Variants in DISC1 observed in about 807,000 individuals in gnomAD.
DISC1 encodes the protein disrupted in schizophrenia 1 protein.
DISC1 carries 57 observed loss-of-function variants against 84.5 expected under a neutral mutation model. That is an observed-to-expected ratio of 0.67 (90% CI 0.55 to 0.84). DISC1 has a LOEUF of 0.84. DISC1 is among the 40% of genes least tolerant of loss of function. The pLI is 0.00. For missense variants in DISC1, 1,000 were observed against 1,057.8 expected (o/e 0.95, Z 0.76); for synonymous variants, 411 against 415.2 (o/e 0.99, Z 0.12).
intron 6 of DISC1, among the ~76,000 whole-genome samples, chr1:231,786,459 G>A (rs1354249472): frequency 6.6e-6 from 1 of 152,200 alleles, no homozygotes; most frequent in Non-Finnish European, 1.5e-5. Context: ...GGGCAGGTGT[G>A]TTGTTGTCAC....
chr1:231,693,191 A>C (rs1394114076), intron 1 of DISC1, among the ~76,000 whole-genome samples: 2 of 152,204 alleles, frequency 1.3e-5, no homozygotes, highest in Admixed American at 1.3e-4. Flanking sequence ...TATTGTTCCT[A>C]TTCCTATAGC....
intron 3 of DISC1, among the ~76,000 whole-genome samples, chr1:231,721,813 A>G (rs2069759816): frequency 6.6e-6 from 1 of 152,212 alleles, no homozygotes; most frequent in African/African-American, 2.4e-5. Context: ...AAGAAAAAGA[A>G]AAACAAACAA....
intron 8 of DISC1, among the ~76,000 whole-genome samples, chr1:231,802,544 A>T (rs2125655990): frequency 6.6e-6 from 1 of 152,268 alleles, no homozygotes; most frequent in East Asian, 1.9e-4. Context: ...CCTGACTTTG[A>T]TCTATGGCCT....
At chr1:231,752,857 A>G (rs1482077339) in intron 4 of DISC1, among the ~76,000 whole-genome samples, 3 of 152,268 alleles carry the variant, frequency 2.0e-5, no homozygotes, top group Non-Finnish European at 4.4e-5. Flanking sequence ...AAGGGGCTAC[A>G]GGCCCCATGC....
chr1:231,807,961 CT>C (rs1188408208), intron 8 of DISC1, among the ~76,000 whole-genome samples: 1 of 152,206 alleles, frequency 6.6e-6, no homozygotes, highest in African/African-American at 2.4e-5. Context: ...GCTGGAATCC[CT>C]TTAAAATGGT....
intron 9 of DISC1, among the ~76,000 whole-genome samples, chr1:231,953,932 T>G (rs565411071): frequency 4.6e-5 from 7 of 152,276 alleles, no homozygotes; most frequent in Non-Finnish European, 5.9e-5. Context: ...TCTGCCTGGG[T>G]GTTACTCATT....
chr1:231,771,571 CT>C, intron 6 of DISC1: 19 of 985,402 alleles, frequency 1.9e-5, no homozygotes, highest in Non-Finnish European at 2.2e-5. Flanking sequence ...GTGTTATAAG[CT>C]GACTCTATGA....
chr1:231,805,132 C>G (rs1022309060), intron 8 of DISC1, among the ~76,000 whole-genome samples: 2 of 152,180 alleles, frequency 1.3e-5, no homozygotes, highest in African/African-American at 2.4e-5. Context: ...TTGTTTCTCT[C>G]CCTTTTCACT....
At chr1:231,894,200 A>G (rs995136429) in intron 9 of DISC1, among the ~76,000 whole-genome samples, 3 of 152,230 alleles carry the variant, frequency 2.0e-5, no homozygotes, top group African/African-American at 7.2e-5. Flanking sequence ...CTCCATGAAC[A>G]TATGAATGTC....
intron 9 of DISC1, among the ~76,000 whole-genome samples, chr1:231,822,904 GA>G (rs1286226104): frequency 6.6e-6 from 1 of 152,126 alleles, no homozygotes; most frequent in Admixed American, 6.5e-5. Flanking sequence ...AGCTCTCCCA[GA>G]AACTAATAGA....
chr1:232,019,247 G>T (rs201275912), intron 11 of DISC1, among the ~76,000 whole-genome samples: 9 of 152,154 alleles, frequency 5.9e-5, no homozygotes, highest in Non-Finnish European at 1.2e-4. Context: ...AAGAGGGGGT[G>T]TTAGGTGTAG....
In DISC1 at chr1:231,703,566, A is replaced by G. The variant is rs921351933; in HGVS notation, c.1117+1542A>G. Among the ~76,000 whole-genome samples the G allele has an allele frequency of 5.3e-5, 8 of 152,360 alleles. No individual in the cohort carries two copies. In the East Asian group the frequency reaches 1.5e-3, roughly 29 times the overall value. On this transcript the variant is annotated intron_variant, in intron 3 of 12. Transcript: ENST00000439617. Reference sequence around the variant, plus strand: ...CATAAAGCTTACAATGCAGTGAAAAAGTAGGCCAATCAGGCCCTAGTTTGT... The same window carrying G: ...CATAAAGCTTACAATGCAGTGAAAAGGTAGGCCAATCAGGCCCTAGTTTGT...
intron 4 of DISC1, among the ~76,000 whole-genome samples, chr1:231,766,068 T>C (rs2076148877): frequency 6.6e-6 from 1 of 151,928 alleles, no homozygotes; most frequent in African/African-American, 2.4e-5. Context: ...GGAGGGAGGA[T>C]CACTTGAGGT....
intron 6 of DISC1, chr1:231,771,787 T>A: frequency 5.8e-6 from 1 of 171,218 alleles, no homozygotes; most frequent in Non-Finnish European, 1.2e-5. Context: ...GATACACATC[T>A]ACTTTTTGCC....
rs1043458850 is a variant in DISC1 at position 232,038,005 on chromosome 1, A to G, written c.*1174A>G. Reference sequence around the variant, plus strand: ...AGTGCAGTACTCAGTAACACAGTGCAGTACTCAGTAATACAGTACAGTACT... The same window carrying G: ...AGTGCAGTACTCAGTAACACAGTGCGGTACTCAGTAATACAGTACAGTACT... On this transcript the variant is annotated 3_prime_UTR_variant, in exon 13 of 13. Transcript: ENST00000439617. 1.3e-5 allele frequency: 2 copies of G among 152,318 alleles called. No homozygotes were observed. The highest frequency in any genetic ancestry group is 4.8e-5 in the African/African-American group (2 of 41,430). The allele number at this position is 152,318 out of a possible 1,614,324, so 9.4% of individuals were successfully genotyped here.
intron 1 of DISC1, among the ~76,000 whole-genome samples, chr1:231,644,772 G>C (rs1281228459): frequency 1.3e-5 from 2 of 151,974 alleles, no homozygotes; most frequent in Middle Eastern, 3.2e-3. Flanking sequence ...TTCTCTTCTA[G>C]TTCTTTCTAT....
At position 231,641,596 on chromosome 1, in the gene DISC1, C is replaced by T. The variant is rs191227078; in HGVS notation, c.67+14662C>T. Among the ~76,000 whole-genome samples, 96 of 152,368 alleles carry T rather than the reference C, an allele frequency of 6.3e-4. 1 individual carries two copies. Among genetic ancestry groups the T allele is most frequent in the African/African-American group, 2.0e-3 (84 of 41,584 alleles). On this transcript the variant is annotated intron_variant, in intron 1 of 12. Transcript: ENST00000439617. ...AAGGGACCGGAGAGGGTTGCCGCTG[C>T]TGGCGCCTGCAGCCTGCTTTTATTC...
intron 9 of DISC1, among the ~76,000 whole-genome samples, chr1:231,919,616 G>A (rs949560254): frequency 6.6e-6 from 1 of 152,078 alleles, no homozygotes; most frequent in African/African-American, 2.4e-5. Context: ...AGTATACTGA[G>A]GCTGAGACTG....
intron 1 of DISC1, among the ~76,000 whole-genome samples, chr1:231,680,407 C>G (rs1398045105): frequency 1.3e-5 from 2 of 151,330 alleles, no homozygotes; most frequent in East Asian, 3.8e-4. Context: ...ATGCTCAGCA[C>G]CTGCCCCCGT....
Sources: gnomAD v4.1 joint callset for allele counts (sites outside exome capture counted in the v4.1 genomes callset) on GRCh38, gnomAD v4.1.1 for gene constraint, MANE v1.5 for transcripts, NCBI Gene and HGNC (gene_info 2026-07-23, HGNC 2026-07-21) for gene names.